Variants in PPP1R21 observed in about 807,000 individuals in gnomAD.
PPP1R21 encodes KLRAQ motif containing 1.
In PPP1R21, 85 loss-of-function variants were observed where a neutral mutation model predicts 112.8. The ratio of observed to expected loss-of-function variants is 0.75; its 90% CI spans 0.63 to 0.90. The LOEUF is 0.90. PPP1R21 is among the 40% of genes least tolerant of loss of function. PPP1R21 has a pLI of 0.00. For synonymous variants in PPP1R21, 381 were observed against 322.3 expected, an observed-to-expected ratio of 1.18 and a Z score of -1.95; for missense variants, 1,199 against 901.5, an observed-to-expected ratio of 1.33 and a Z score of -4.23.
At chr2:48,446,040 A>G (rs767843697) in intron 1 of PPP1R21, among the ~76,000 whole-genome samples, 1 of 152,168 alleles carries the variant, frequency 6.6e-6, no homozygotes, top group East Asian at 1.9e-4. Context: ...GTCACTTTGT[A>G]TTGAAGAAAA....
intron 19 of PPP1R21, among the ~76,000 whole-genome samples, chr2:48,509,094 A>G (rs1379764772): frequency 1.5e-5 from 2 of 135,282 alleles, no homozygotes; most frequent in Non-Finnish European, 3.3e-5. Context: ...AATATTGTGA[A>G]ATAGGATTTT....
rs763574347 is a variant in PPP1R21 at position 48,440,833 on chromosome 2, G to GGCTGCT, written c.-116_-115insTGCTGC. ...GAGGCGCGGCGGCGGCGGCGGCGGC[G>GGCTGCT]GCTGCGGTGGCCAAGCAGGCAGATA... On this transcript the variant is annotated 5_prime_UTR_variant, in exon 1 of 22. Coordinates refer to ENST00000294952, the MANE Select transcript of PPP1R21 (RefSeq NM_001135629.3). 9 of 701,554 alleles carry GGCTGCT rather than the reference G, an allele frequency of 1.3e-5. No individual in the cohort carries two copies. The highest frequency in any genetic ancestry group is 2.2e-5 in the Non-Finnish European group (9 of 413,608). The allele number at this position is 701,554 out of a possible 1,614,324, so 43.5% of individuals were successfully genotyped here.
chr2:48,505,626 T>C (rs1483489086), intron 18 of PPP1R21, 30 bp downstream of exon 18: 7 of 1,521,344 alleles, frequency 4.6e-6, no homozygotes, highest in African/African-American at 1.4e-5. Flanking sequence ...ATGTTGTTTG[T>C]TAGTAAATAT....
rs145533939 is a variant in PPP1R21 at position 48,489,480 on chromosome 2, A to C, written c.1447-1538A>C. Among the ~76,000 whole-genome samples, 670 of 151,094 alleles carry C rather than the reference A, an allele frequency of 4.4e-3. 3 individuals carry two copies. The highest frequency in any genetic ancestry group is 0.015 in the African/African-American group (632 of 41,314). On this transcript the variant is annotated intron_variant, in intron 14 of 21. Transcript: ENST00000294952. ...ACCTCGGTCTCCCAAGTAGCTGGGA[A>C]CACAGACGCACACCACCATGCCTGG... is the stretch of plus-strand genomic sequence containing the variant.
At chr2:48,509,588 C>G (rs1283316972) in intron 19 of PPP1R21, among the ~76,000 whole-genome samples, 1 of 151,624 alleles carries the variant, frequency 6.6e-6, no homozygotes, top group Non-Finnish European at 1.5e-5. Context: ...GCCTGTAATC[C>G]CAGCTACTCG....
chr2:48,471,359 G>T lies in PPP1R21; in HGVS notation c.1080G>T (p.Gln360His). ...TTCTTAGGAAGATTCTTCCCTATCA[G>T]TTAAAAAGGTAGTTACCCCCGGAGG... is the stretch of plus-strand genomic sequence containing the variant. ...ICFLRKILPY[Q>H]LKSLEEECES... The change falls in exon 11 of 22, where the codon CAG (glutamine) becomes CAT (histidine). Residue 360 changes from glutamine to histidine, a missense_variant. Physicochemically the swap from Gln to His is conservative, Grantham distance 24. Coordinates refer to ENST00000294952, the MANE Select transcript of PPP1R21 (RefSeq NM_001135629.3). The T allele has an allele frequency of 5.6e-6, 9 of 1,606,734 alleles. No individual in the cohort carries two copies. The highest frequency in any genetic ancestry group is 7.6e-6 in the Non-Finnish European group (9 of 1,177,822).
intron 1 of PPP1R21, among the ~76,000 whole-genome samples, chr2:48,444,313 G>A (rs1216550474): frequency 6.6e-6 from 1 of 152,156 alleles, no homozygotes. Context: ...GGTTTTCAGA[G>A]GTTTGTGAAG....
chr2:48,441,984 C>T (rs1309175765), intron 1 of PPP1R21, among the ~76,000 whole-genome samples: 2 of 152,176 alleles, frequency 1.3e-5, no homozygotes, highest in Non-Finnish European at 2.9e-5. Flanking sequence ...AAAAATAAAA[C>T]TTGTGCCTAA....
Position 48,461,143 on chromosome 2 carries a change from T to C in PPP1R21, c.605T>C (p.Leu202Ser). 6.4e-7 allele frequency: 1 copy of C among 1,574,526 alleles called. No homozygotes were observed. Among genetic ancestry groups the C allele is most frequent in the Non-Finnish European group, 8.6e-7 (1 of 1,168,722 alleles). ...ECRLRTEECQ[L>S]QLKTLHEDLS... The stretch of plus-strand genomic sequence containing the variant: ...TATTTTTTTTTTTTTTGCAGTCAAT[T>C]ACAGTTAAAGACTCTTCATGAAGAT... Residue 202 changes from leucine (L) to serine (S), a missense_variant, in exon 7 of 22, where the codon TTA becomes TCA. Transcript: ENST00000294952.
Position 48,440,818 on chromosome 2 carries a change from G to GGCT in PPP1R21, c.-134_-133insTGC, listed in dbSNP as rs1300845759. On this transcript the variant is annotated 5_prime_UTR_variant, in exon 1 of 22. Transcript: ENST00000294952. ...CCGGAAGTGGAGGAGGAGGCGCGGC[G>GGCT]GCGGCGGCGGCGGCGGCTGCGGTGG... 3 of 643,442 alleles carry GGCT rather than the reference G, an allele frequency of 4.7e-6. No homozygotes were observed. In the African/African-American group the frequency reaches 5.8e-5, roughly 13 times the overall value. The allele number at this position is 643,442 out of a possible 1,614,324, so 39.9% of individuals were successfully genotyped here.
intron 14 of PPP1R21, 147 bp from the exon 15 acceptor site, chr2:48,490,868 TAAA>T: frequency 1.5e-6 from 1 of 652,186 alleles, no homozygotes; most frequent in Non-Finnish European, 2.6e-6. Context: ...TATTCTCAAA[TAAA>T]TAAATGTGGA....
chr2:48,443,739 TAGATA>T (rs1412861873), intron 1 of PPP1R21, among the ~76,000 whole-genome samples: 1 of 152,270 alleles, frequency 6.6e-6, no homozygotes, highest in African/African-American at 2.4e-5. Flanking sequence ...AGGCAATTTC[TAGATA>T]AGATCTATGC....
chr2:48,449,762 A>ATT (rs879865200), intron 1 of PPP1R21, among the ~76,000 whole-genome samples: 125 of 146,468 alleles, frequency 8.5e-4, no homozygotes, highest in Admixed American at 3.7e-3. Context: ...TTAGAAATAG[A>ATT]TTTTTTTTTT....
chr2:48,484,788 T>C (rs1361540000), intron 13 of PPP1R21, among the ~76,000 whole-genome samples: 1 of 152,232 alleles, frequency 6.6e-6, no homozygotes, highest in Non-Finnish European at 1.5e-5. Flanking sequence ...AGTGCTAGAT[T>C]ACAGGCATGA....
chr2:48,512,363 G>T (rs1167942539), intron 21 of PPP1R21, among the ~76,000 whole-genome samples: 1 of 147,366 alleles, frequency 6.8e-6, no homozygotes, highest in Non-Finnish European at 1.5e-5. Context: ...TCACTTAGTT[G>T]GCATCATCTC....
chr2:48,479,127 G>C (rs1331079166), intron 12 of PPP1R21, among the ~76,000 whole-genome samples: 1 of 152,174 alleles, frequency 6.6e-6, no homozygotes, highest in Non-Finnish European at 1.5e-5. Flanking sequence ...GCCCAAGGTA[G>C]AGCCTCCATC....
At chr2:48,464,708 C>G (rs189361453) in intron 7 of PPP1R21, among the ~76,000 whole-genome samples, 3 of 152,076 alleles carry the variant, frequency 2.0e-5, no homozygotes, top group African/African-American at 7.2e-5. Flanking sequence ...AATGGAAACA[C>G]TGGATTTGTT....
At chr2:48,445,744 G>T (rs903502519) in intron 1 of PPP1R21, among the ~76,000 whole-genome samples, 23 of 152,220 alleles carry the variant, frequency 1.5e-4, no homozygotes, top group Non-Finnish European at 2.9e-4. Flanking sequence ...GCCATTTGAG[G>T]CAGATGTGAG....
chr2:48,508,781 C>T (rs889911287), intron 19 of PPP1R21, among the ~76,000 whole-genome samples: 45 of 152,244 alleles, frequency 3.0e-4, no homozygotes, highest in African/African-American at 1.0e-3. Flanking sequence ...GGCTGAACTG[C>T]CCTAAAATTT....
Sources: gnomAD v4.1 joint callset for allele counts (sites outside exome capture counted in the v4.1 genomes callset) on GRCh38, gnomAD v4.1.1 for gene constraint, MANE v1.5 for transcripts, NCBI Gene and HGNC (gene_info 2026-07-23, HGNC 2026-07-21) for gene names.